CAMTA1: variants seen among roughly 807,000 people sequenced by gnomAD.
CAMTA1 encodes the protein calmodulin-binding transcription activator 1.
Under a neutral mutation model 170.9 loss-of-function variants are expected in CAMTA1, and 27 were observed. The ratio of observed to expected loss-of-function variants is 0.16; its 90% CI spans 0.12 to 0.22. The LOEUF (loss-of-function observed/expected upper bound fraction) is 0.22, where lower values mean the gene tolerates loss of function less well. CAMTA1 is among the 10% of genes least tolerant of loss of function. The probability of loss-of-function intolerance (pLI) is 1.00; values close to 1 mark genes in which losing one functional copy is unlikely to be tolerated. For missense variants in CAMTA1, 1,619 were observed against 2,217.2 expected (o/e 0.73, Z 5.42); for synonymous variants, 833 against 891.5 (o/e 0.93, Z 1.17).
At chr1:7,168,141 A>G (rs1648875305) in intron 4 of CAMTA1, among the ~76,000 whole-genome samples, 1 of 152,146 alleles carries the variant, frequency 6.6e-6, no homozygotes, top group Admixed American at 6.5e-5. Context: ...TTTAAAAAGT[A>G]TATTTTCTGT....
chr1:7,481,072 C>T (rs570299232), intron 6 of CAMTA1, among the ~76,000 whole-genome samples: 9 of 152,284 alleles, frequency 5.9e-5, no homozygotes, highest in Middle Eastern at 6.8e-3. Context: ...AGAAATATGT[C>T]CTGAACCCAC....
intron 5 of CAMTA1, among the ~76,000 whole-genome samples, chr1:7,334,950 C>G (rs2083258823): frequency 1.3e-5 from 2 of 152,164 alleles, no homozygotes; most frequent in Non-Finnish European, 2.9e-5. Flanking sequence ...GGAGGAAGCT[C>G]TCATTTTGCA....
chr1:7,662,382 C>A (rs541503735), intron 8 of CAMTA1, among the ~76,000 whole-genome samples: 1 of 152,234 alleles, frequency 6.6e-6, no homozygotes, highest in South Asian at 2.1e-4. Context: ...AATGTGTGTT[C>A]TCCACTCCCC....
chr1:7,000,475 C>T (rs1039273878), intron 3 of CAMTA1, among the ~76,000 whole-genome samples: 2 of 152,088 alleles, frequency 1.3e-5, no homozygotes, highest in African/African-American at 2.4e-5. Flanking sequence ...AGGACAGGAG[C>T]GAGGTGGGGA....
At chr1:7,493,402 C>A (rs943675950) in intron 6 of CAMTA1, among the ~76,000 whole-genome samples, 2 of 147,956 alleles carry the variant, frequency 1.4e-5, no homozygotes, top group African/African-American at 2.5e-5. Flanking sequence ...TGCACACACA[C>A]AAAAACACAA....
chr1:6,868,302 CTTT>C (rs540800023), intron 3 of CAMTA1, among the ~76,000 whole-genome samples: 2 of 129,294 alleles, frequency 1.5e-5, no homozygotes, highest in Admixed American at 7.8e-5. Flanking sequence ...GAGCGAGACT[CTTT>C]TTTTTTTTTT....
At chr1:7,603,120 G>T (rs1469055560) in intron 6 of CAMTA1, among the ~76,000 whole-genome samples, 1 of 152,202 alleles carries the variant, frequency 6.6e-6, no homozygotes, top group African/African-American at 2.4e-5. Context: ...GTCAATTTTG[G>T]AATAGGTGTG....
In CAMTA1 at chr1:7,378,404, C is replaced by T. The variant is rs114676929; in HGVS notation, c.439-89426C>T. The stretch of plus-strand genomic sequence containing the variant: ...ATAAACAAAATGTGCTCTATCCATA[C>T]GATGGAATAATATTCACCCATAAAC... On this transcript the variant is annotated intron_variant, in intron 5 of 22. Coordinates refer to ENST00000303635, the MANE Select transcript of CAMTA1 (RefSeq NM_015215.4). Among the ~76,000 whole-genome samples, 436 of 152,320 alleles carry T rather than the reference C, an allele frequency of 2.9e-3. 1 individual carries two copies. The highest frequency in any genetic ancestry group is 9.4e-3 in the African/African-American group (390 of 41,558).
intron 4 of CAMTA1, among the ~76,000 whole-genome samples, chr1:7,174,877 T>G (rs1037130033): frequency 1.3e-5 from 2 of 152,232 alleles, no homozygotes; most frequent in African/African-American, 4.8e-5. Flanking sequence ...GGGATGGTTT[T>G]TCCCTGCTGT....
At chr1:7,389,016 C>T (rs1471913469) in intron 5 of CAMTA1, among the ~76,000 whole-genome samples, 2 of 152,222 alleles carry the variant, frequency 1.3e-5, no homozygotes, top group Non-Finnish European at 2.9e-5. Context: ...CAGAGCCTCC[C>T]AGCACTGAGT....
intron 6 of CAMTA1, among the ~76,000 whole-genome samples, chr1:7,500,764 C>A (rs2093993110): frequency 6.6e-6 from 1 of 152,054 alleles, no homozygotes; most frequent in South Asian, 2.1e-4. Context: ...TCAGAGTCTG[C>A]GGGTGGCTTC....
chr1:7,164,210 A>ATAACAAGGCATGCAATATTGAC (rs1647884763), intron 4 of CAMTA1, among the ~76,000 whole-genome samples: 1 of 152,188 alleles, frequency 6.6e-6, no homozygotes, highest in Non-Finnish European at 1.5e-5. Flanking sequence ...GTTTTGGCAA[A>ATAACAAGGCATGCAATATTGAC]TAACAAGGCA....
chr1:7,469,857 A>T (rs894386577), intron 6 of CAMTA1, among the ~76,000 whole-genome samples: 3 of 152,188 alleles, frequency 2.0e-5, no homozygotes, highest in African/African-American at 7.2e-5. Context: ...TCCTAGATTC[A>T]GCTGCTCCTG....
intron 3 of CAMTA1, among the ~76,000 whole-genome samples, chr1:6,974,925 T>C (rs7534722): frequency 0.99 from 150,320 of 152,324 alleles, 74,193 homozygotes; most frequent in Middle Eastern, 1. Flanking sequence ...TAAGGCTTGC[T>C]ATCTTCCTTG....
At chr1:7,094,489 T>C (rs1641836549) in intron 4 of CAMTA1, among the ~76,000 whole-genome samples, 1 of 152,122 alleles carries the variant, frequency 6.6e-6, no homozygotes, top group African/African-American at 2.4e-5. Flanking sequence ...AAATGATACA[T>C]TGTTTGTGTG....
At chr1:7,116,545 C>A (rs1644337749) in intron 4 of CAMTA1, among the ~76,000 whole-genome samples, 1 of 152,034 alleles carries the variant, frequency 6.6e-6, no homozygotes, top group Non-Finnish European at 1.5e-5. Context: ...ATGAACCATC[C>A]CCCCCAATAT....
intron 5 of CAMTA1, among the ~76,000 whole-genome samples, chr1:7,466,216 A>G (rs1313404863): frequency 6.6e-6 from 1 of 152,236 alleles, no homozygotes; most frequent in African/African-American, 2.4e-5. Context: ...AAACAACGAA[A>G]ACAAAACACC....
intron 4 of CAMTA1, among the ~76,000 whole-genome samples, chr1:7,244,671 C>T (rs1665459539): frequency 6.6e-6 from 1 of 151,168 alleles, no homozygotes; most frequent in South Asian, 2.1e-4. Context: ...TGTTCTCACT[C>T]ATAGGTGGGA....
At chr1:7,499,104 T>C in intron 6 of CAMTA1, among the ~76,000 whole-genome samples, 3 of 134,832 alleles carry the variant, frequency 2.2e-5, no homozygotes, top group East Asian at 2.2e-4. Context: ...TGTCCATGAG[T>C]GAGTGTGTAG....
Sources: gnomAD v4.1 joint callset for allele counts (sites outside exome capture counted in the v4.1 genomes callset) on GRCh38, gnomAD v4.1.1 for gene constraint, MANE v1.5 for transcripts, NCBI Gene and HGNC (gene_info 2026-07-23, HGNC 2026-07-21) for gene names.